The following DPP6 variants were observed in gnomAD, a reference collection of about 807,000 sequenced individuals.
DPP6 encodes A-type potassium channel modulatory protein DPP6.
A neutral mutation model predicts 122.6 loss-of-function variants in DPP6; 69 were observed. The ratio of observed to expected loss-of-function variants is 0.56; its 90% CI spans 0.46 to 0.69. DPP6 has a LOEUF of 0.69. Ranked by LOEUF, DPP6 falls within the 30% of genes least tolerant of loss-of-function variation. The probability of loss-of-function intolerance (pLI) is 0.00; values close to 1 mark genes in which losing one functional copy is unlikely to be tolerated. For synonymous variants in DPP6, 418 were observed against 433.1 expected (o/e 0.97, Z 0.43); for missense variants, 928 against 1,116.9 (o/e 0.83, Z 2.41).
chr7:154,210,574 T>C (rs1299424465), intron 1 of DPP6, among the ~76,000 whole-genome samples: 1 of 152,234 alleles, frequency 6.6e-6, no homozygotes, highest in African/African-American at 2.4e-5. Flanking sequence ...TAGTTATTTT[T>C]ATTATTTAAC....
At chr7:154,805,559 A>G (rs988922608) in intron 15 of DPP6, among the ~76,000 whole-genome samples, 1 of 152,224 alleles carries the variant, frequency 6.6e-6, no homozygotes, top group African/African-American at 2.4e-5. Flanking sequence ...TAGAAGGCTA[A>G]TATTTATGAT....
chr7:154,119,646 G>A lies in DPP6; in HGVS notation c.243+66583G>A, dbSNP rs932869977. ...ATGTGTCTCAAGATTACCCCCAGGAGCTTCTAAAAAGGGACATAATTAGAT... is the reference window on the plus strand; with the variant it reads ...ATGTGTCTCAAGATTACCCCCAGGAACTTCTAAAAAGGGACATAATTAGAT... On this transcript the variant is annotated intron_variant, in intron 1 of 25. Coordinates refer to ENST00000377770, the MANE Select transcript of DPP6 (RefSeq NM_130797.4). 1.7e-4 allele frequency among the ~76,000 whole-genome samples: 22 copies of A among 131,972 alleles called. 2 individuals carry two copies. The highest frequency in any genetic ancestry group is 3.1e-4 in the Admixed American group (4 of 12,958). The allele number at this position is 131,972 out of a possible 152,430, so 86.6% of individuals were successfully genotyped here. A position where few individuals can be genotyped will look rare whatever the true frequency, so the allele number is the denominator to read the frequency against.
At chr7:154,517,334 G>T (rs547537237) in intron 3 of DPP6, among the ~76,000 whole-genome samples, 6 of 152,136 alleles carry the variant, frequency 3.9e-5, no homozygotes, top group Non-Finnish European at 8.8e-5. Context: ...CAGCGATTCT[G>T]CTTGGAGAAG....
chr7:154,803,894 A>G lies in DPP6; in HGVS notation c.1438A>G (p.Ile480Val), dbSNP rs754018226. The G allele has an allele frequency of 6.2e-7, 1 of 1,613,940 alleles. No individual in the cohort carries two copies. Among genetic ancestry groups the G allele is most frequent in the Non-Finnish European group, 8.5e-7 (1 of 1,179,844 alleles). ...PNSSNDNIQSITSGDWDVTKI... is the reference protein window; with the variant it reads ...PNSSNDNIQSVTSGDWDVTKI... ...CAGCAGCAACGACAACATCCAGTCC[A>G]TCACCTCCGGGGACTGGGACGTGAC... is the stretch of plus-strand genomic sequence containing the variant. The change falls in exon 14 of 26, where the codon ATC (isoleucine) becomes GTC (valine). Residue 480 changes from isoleucine (I) to valine (V), a missense_variant. Transcript: ENST00000377770.
intron 15 of DPP6, among the ~76,000 whole-genome samples, 197 bp downstream of exon 15, chr7:154,805,161 G>A (rs1455075909): frequency 6.6e-6 from 1 of 152,232 alleles, no homozygotes. Flanking sequence ...GACTTTTGAA[G>A]CTTTATTTTT....
chr7:154,668,515 A>G (rs1057076300), intron 6 of DPP6, among the ~76,000 whole-genome samples: 1 of 152,008 alleles, frequency 6.6e-6, no homozygotes, highest in Non-Finnish European at 1.5e-5. Flanking sequence ...CACCGCGCTC[A>G]GCCCCACATA....
intron 3 of DPP6, among the ~76,000 whole-genome samples, chr7:154,517,886 G>A (rs1045190276): frequency 2.6e-5 from 4 of 152,002 alleles, no homozygotes; most frequent in African/African-American, 7.2e-5. Flanking sequence ...TTTCAACATC[G>A]TTTACCCTAC....
chr7:154,461,217 AT>A (rs1204517870), intron 2 of DPP6, among the ~76,000 whole-genome samples: 2 of 152,164 alleles, frequency 1.3e-5, no homozygotes, highest in South Asian at 2.1e-4. Flanking sequence ...TTGTGGCTGA[AT>A]AGTACTCCAT....
In DPP6 at chr7:154,573,607, G is replaced by C. The variant is rs896000185; in HGVS notation, c.627+6691G>C. Among the ~76,000 whole-genome samples, 525 of 152,322 alleles carry C rather than the reference G, an allele frequency of 3.4e-3. 1 individual carries two copies. Among genetic ancestry groups the C allele is most frequent in the Non-Finnish European group, 5.4e-3 (366 of 68,028 alleles). ...GACCGAATTTATAAATAATGGTCCAGATTGTTTTGTCAGCATCTTGCCTGA... is the reference window on the plus strand; with the variant it reads ...GACCGAATTTATAAATAATGGTCCACATTGTTTTGTCAGCATCTTGCCTGA... On this transcript the variant is annotated intron_variant, in intron 5 of 25. Coordinates refer to ENST00000377770, the MANE Select transcript of DPP6 (RefSeq NM_130797.4).
At chr7:154,091,869 A>G (rs1335552899) in intron 1 of DPP6, among the ~76,000 whole-genome samples, 1 of 152,180 alleles carries the variant, frequency 6.6e-6, no homozygotes, top group Non-Finnish European at 1.5e-5. Context: ...AAACTGTCCA[A>G]AGCAAGGTTC....
At chr7:154,161,051 G>A (rs1376777365) in intron 1 of DPP6, among the ~76,000 whole-genome samples, 1 of 152,160 alleles carries the variant, frequency 6.6e-6, no homozygotes, top group Non-Finnish European at 1.5e-5. Flanking sequence ...AAGTGCAGCT[G>A]TCCAGCACTG....
Position 154,794,154 on chromosome 7 carries a change from C to G in DPP6, c.1212C>G (p.Asn404Lys), listed in dbSNP as rs376535575. The G allele has an allele frequency of 3.7e-6, 6 of 1,613,030 alleles. No individual in the cohort carries two copies. In the Admixed American group the frequency reaches 6.7e-5, roughly 18 times the overall value. The change falls in exon 11 of 26, where the codon AAC becomes AAG. Residue 404 changes from asparagine (N) to lysine (K), a missense_variant. By Grantham distance (94) the Asn-to-Lys change is moderately conservative. Transcript: ENST00000377770. ...VAVTWLNRAQ[N>K]VSILTLCDAT... The stretch of plus-strand genomic sequence containing the variant: ...TGACCTGGCTGAACCGGGCGCAGAA[C>G]GTGTCCATCCTCACCCTCTGCGACG...
rs756391380 is a variant in DPP6 at position 154,892,655 on chromosome 7, G to T, written c.*175G>T. On this transcript the variant is annotated 3_prime_UTR_variant, in exon 26 of 26. Transcript: ENST00000377770. ...TGCTTGGGAAACAAGCTCCTTCCCC[G>T]GGGTCATCACTCACGGCCTCCATGG... is the stretch of plus-strand genomic sequence containing the variant. 18 of 1,342,204 alleles carry T rather than the reference G, an allele frequency of 1.3e-5. No individual in the cohort carries two copies. The highest frequency in any genetic ancestry group is 1.3e-5 in the Non-Finnish European group (13 of 965,222). 83.1% of individuals were successfully genotyped at this position (1,342,204 alleles called of 1,614,324 possible).
the DPP6 span, among the ~76,000 whole-genome samples, chr7:153,841,183 G>A: frequency 6.6e-6 from 1 of 152,138 alleles, no homozygotes; most frequent in Admixed American, 6.6e-5. Flanking sequence ...ACTTCAACAT[G>A]GTGCAGAATA....
At chr7:154,227,986 T>C (rs1800709433) in intron 1 of DPP6, among the ~76,000 whole-genome samples, 1 of 152,234 alleles carries the variant, frequency 6.6e-6, no homozygotes, top group Admixed American at 6.5e-5. Context: ...TAATAATGAA[T>C]AATCTCCCAT....
chr7:154,256,998 C>CTT (rs66710949), intron 1 of DPP6, among the ~76,000 whole-genome samples: 16,858 of 132,678 alleles, frequency 0.13, 2,264 homozygotes, highest in African/African-American at 0.33. Flanking sequence ...TCTTCTTCTT[C>CTT]TTTTTTTTTT....
At chr7:153,914,914 A>G (rs1423182692) in intron 1 of DPP6, among the ~76,000 whole-genome samples, 3 of 152,226 alleles carry the variant, frequency 2.0e-5, no homozygotes, top group East Asian at 1.9e-4. Flanking sequence ...AGTCTCATCC[A>G]TAACTGGGTC....
chr7:153,971,743 G>T (rs1055820047), intron 1 of DPP6, among the ~76,000 whole-genome samples: 7 of 142,932 alleles, frequency 4.9e-5, no homozygotes, highest in Non-Finnish European at 6.1e-5. Flanking sequence ...TGAGCTAAAG[G>T]TCCCATAGGA....
intron 8 of DPP6, among the ~76,000 whole-genome samples, chr7:154,767,936 C>T (rs575492534): frequency 4.6e-5 from 7 of 152,276 alleles, no homozygotes; most frequent in Non-Finnish European, 8.8e-5. Context: ...GGAAGACTCA[C>T]GTGACAGGGG....
Sources: gnomAD v4.1 joint callset for allele counts (sites outside exome capture counted in the v4.1 genomes callset) on GRCh38, gnomAD v4.1.1 for gene constraint, MANE v1.5 for transcripts, NCBI Gene and HGNC (gene_info 2026-07-23, HGNC 2026-07-21) for gene names.